The following MAP3K4 variants were observed in gnomAD, a reference collection of about 807,000 sequenced individuals.
MAP3K4 encodes the protein mitogen-activated protein kinase kinase kinase 4, also known as MAP three kinase 1.
In MAP3K4, 67 loss-of-function variants were observed where a neutral mutation model predicts 185.6. That is an observed-to-expected ratio of 0.36 (90% CI 0.30 to 0.44). The LOEUF (loss-of-function observed/expected upper bound fraction) is 0.44, where lower values mean the gene tolerates loss of function less well. Ranked by LOEUF, MAP3K4 falls within the 20% of genes least tolerant of loss-of-function variation. The pLI is 1.00. For synonymous variants in MAP3K4, 702 were observed against 710.4 expected (o/e 0.99, Z 0.19); for missense variants, 1,551 against 1,995.1 (o/e 0.78, Z 4.24).
In MAP3K4 at chr6:161,047,760, G is replaced by C. The variant is rs534535200; in HGVS notation, c.344-856G>C. Among the ~76,000 whole-genome samples, 8 of 152,270 alleles carry C rather than the reference G, an allele frequency of 5.3e-5. No homozygotes were observed. In the South Asian group the frequency reaches 6.2e-4, roughly 12 times the overall value. On this transcript the variant is annotated intron_variant, in intron 2 of 26. Coordinates refer to ENST00000392142, the MANE Select transcript of MAP3K4 (RefSeq NM_005922.4). The stretch of plus-strand genomic sequence containing the variant: ...AGAACCCAGAAGCAACAGAATGAAA[G>C]GATTTCAGTAACGTAGAGCAATTAA...
chr6:161,102,820 A>C (rs766711923), intron 19 of MAP3K4, 41 bp downstream of exon 19: 16 of 1,359,798 alleles, frequency 1.2e-5, no homozygotes, highest in East Asian at 2.4e-5. Flanking sequence ...AAAAAAAAAA[A>C]AAAACACGAT....
rs934078052 is a variant in MAP3K4, at chr6:161,096,357, CAG to C, written c.3428-720_3428-719del. ...AAAAAAATACTAAGGAGGGTTAAAA[CAG>C]AGTGGTAAAAGTGAAGAAGAGAAAA... On this transcript the variant is annotated intron_variant, in intron 15 of 26. Coordinates refer to ENST00000392142, the MANE Select transcript of MAP3K4 (RefSeq NM_005922.4). The surrounding 1 kb of genome is among the most constrained non-coding windows in gnomAD (Gnocchi z 4.9). 8.6e-5 allele frequency among the ~76,000 whole-genome samples: 13 copies of C among 151,676 alleles called. No individual in the cohort carries two copies. Among genetic ancestry groups the C allele is most frequent in the Admixed American group, 3.3e-4 (5 of 15,246 alleles).
chr6:161,109,078 A>T lies in MAP3K4; in HGVS notation c.4236+219A>T, dbSNP rs1445017832. ...ACTGTAGTCATTAACCCGACATCAT[A>T]AAGCACTGAAACCCATCCTGCCATT... On this transcript the variant is annotated intron_variant, in intron 22 of 26. Transcript: ENST00000392142. The surrounding 1 kb of genome is among the most constrained non-coding windows in gnomAD (Gnocchi z 5.7). The T allele has an allele frequency of 1.5e-6, 2 of 1,350,720 alleles. No individual in the cohort carries two copies. Among genetic ancestry groups the T allele is most frequent in the Non-Finnish European group, 2.0e-6 (2 of 982,454 alleles). 83.7% of individuals were successfully genotyped at this position (1,350,720 alleles called of 1,614,324 possible).
intron 2 of MAP3K4, among the ~76,000 whole-genome samples, chr6:161,042,762 G>A (rs1322809513): frequency 6.6e-6 from 1 of 152,082 alleles, no homozygotes; most frequent in South Asian, 2.1e-4. Context: ...AGACACCCAA[G>A]CCAAAACCCT....
intron 1 of MAP3K4, among the ~76,000 whole-genome samples, chr6:161,000,087 C>T (rs984185324): frequency 6.6e-6 from 1 of 152,086 alleles, no homozygotes; most frequent in African/African-American, 2.4e-5. Flanking sequence ...TGGTCGTGAC[C>T]TACAGTAAGA....
intron 1 of MAP3K4, among the ~76,000 whole-genome samples, chr6:161,015,595 C>T (rs1275138605): frequency 6.6e-6 from 1 of 152,128 alleles, no homozygotes; most frequent in Non-Finnish European, 1.5e-5. Context: ...TCAACATCTG[C>T]TTCCGGTGAG....
rs1303751241 is a variant in MAP3K4 at position 161,007,875 on chromosome 6, C to CT, written c.152+15799dup. 2.6e-5 allele frequency among the ~76,000 whole-genome samples: 4 copies of CT among 152,012 alleles called. No homozygotes were observed. The highest frequency in any genetic ancestry group is 1.3e-4 in the Admixed American group (2 of 15,256). The stretch of plus-strand genomic sequence containing the variant: ...ACTGCAATGAAGCAATGACACAGTG[C>CT]TTTTTTTATATCAGTTGTAGGGTAC... On this transcript the variant is annotated intron_variant, in intron 1 of 26. Transcript: ENST00000392142. This position sits in a 1 kb window ranked among gnomAD's most constrained non-coding sequence, Gnocchi z 4.5.
intron 3 of MAP3K4, among the ~76,000 whole-genome samples, chr6:161,066,563 C>T (rs1051269552): frequency 6.6e-6 from 1 of 152,044 alleles, no homozygotes; most frequent in East Asian, 1.9e-4. Flanking sequence ...TTAATGAGAT[C>T]TCGTATTAGA....
chr6:161,025,377 G>T (rs1340673369), intron 1 of MAP3K4, among the ~76,000 whole-genome samples: 3 of 152,184 alleles, frequency 2.0e-5, no homozygotes, highest in Non-Finnish European at 2.9e-5. Flanking sequence ...AGATTTTTGT[G>T]CCCAGGTTGT....
rs1174219477 is a variant in MAP3K4 at position 161,103,947 on chromosome 6, C to T, written c.3856+1168C>T. Among the ~76,000 whole-genome samples, 1 of 152,162 alleles carries T rather than the reference C, an allele frequency of 6.6e-6. No individual in the cohort carries two copies. The highest frequency in any genetic ancestry group is 1.5e-5 in the Non-Finnish European group (1 of 68,022). On this transcript the variant is annotated intron_variant, in intron 19 of 26. Coordinates refer to ENST00000392142, the MANE Select transcript of MAP3K4 (RefSeq NM_005922.4). The surrounding 1 kb of genome is among the most constrained non-coding windows in gnomAD (Gnocchi z 4.6). ...GTTCAAGTGGGGGAGTTTTCCTAGGCTTGAGCCAGGTGACAGGAAGACAGT... is the reference window on the plus strand; with the variant it reads ...GTTCAAGTGGGGGAGTTTTCCTAGGTTTGAGCCAGGTGACAGGAAGACAGT...
chr6:161,069,667 G>A (rs1172364033), intron 3 of MAP3K4, among the ~76,000 whole-genome samples: 1 of 152,136 alleles, frequency 6.6e-6, no homozygotes, highest in Non-Finnish European at 1.5e-5. Flanking sequence ...TGCCAGGCGT[G>A]GGGACGGTCC....
chr6:161,107,284 G>A lies in MAP3K4; in HGVS notation c.4048+579G>A, dbSNP rs916452380. ...TCACACATCTAGGTCTGAAGGGGGCGAACACAGTTGTATGAATAATATGGG... is the reference window on the plus strand; with the variant it reads ...TCACACATCTAGGTCTGAAGGGGGCAAACACAGTTGTATGAATAATATGGG... On this transcript the variant is annotated intron_variant, in intron 20 of 26. Transcript: ENST00000392142. This position sits in a 1 kb window ranked among gnomAD's most constrained non-coding sequence, Gnocchi z 6.2. Among the ~76,000 whole-genome samples, 5 of 152,140 alleles carry A rather than the reference G, an allele frequency of 3.3e-5. No homozygotes were observed. Among genetic ancestry groups the A allele is most frequent in the South Asian group, 2.1e-4 (1 of 4,828 alleles).
rs560899684 is a variant in MAP3K4, at chr6:161,114,331, T to C, written c.4627-792T>C. On this transcript the variant is annotated intron_variant, in intron 25 of 26. Transcript: ENST00000392142. The surrounding 1 kb of genome is among the most constrained non-coding windows in gnomAD (Gnocchi z 4.3). ...AGCTTACCGTACACATACAGTATTA[T>C]AGCAAAAAAGTTAGAAACCTTCATT... Among the ~76,000 whole-genome samples the C allele has an allele frequency of 1.4e-4, 21 of 152,200 alleles. No homozygotes were observed. The highest frequency in any genetic ancestry group is 2.4e-4 in the Non-Finnish European group (16 of 68,036).
intron 23 of MAP3K4, among the ~76,000 whole-genome samples, chr6:161,111,393 T>C (rs1263613921): frequency 2.0e-5 from 3 of 152,170 alleles, no homozygotes; most frequent in Non-Finnish European, 4.4e-5. Flanking sequence ...TCACGTCATA[T>C]AAATGCAAGG....
In MAP3K4 at chr6:161,026,223, T is replaced by C. The variant is rs371781494; in HGVS notation, c.153-8036T>C. Among the ~76,000 whole-genome samples the C allele has an allele frequency of 9.2e-3, 1,393 of 152,014 alleles. 10 individuals carry two copies. Among genetic ancestry groups the C allele is most frequent in the South Asian group, 0.024 (114 of 4,812 alleles). ...TCGGCTCACTGCAAGCTCTGCCTCC[T>C]GGGTTCATGCCATTCTCCTGCCTCA... On this transcript the variant is annotated intron_variant, in intron 1 of 26. Transcript: ENST00000392142.
In MAP3K4 at chr6:161,007,389, AG is replaced by A. The variant is rs1422686569; in HGVS notation, c.152+15309del. ...GGGAATTACTGAGGAAGATAGAGGGAGGGCTAATTTTACAATATGCAAGGAC... is the reference window on the plus strand; with the variant it reads ...GGGAATTACTGAGGAAGATAGAGGGAGGCTAATTTTACAATATGCAAGGAC... On this transcript the variant is annotated intron_variant, in intron 1 of 26. Transcript: ENST00000392142. This position sits in a 1 kb window ranked among gnomAD's most constrained non-coding sequence, Gnocchi z 4.5. Among the ~76,000 whole-genome samples the A allele has an allele frequency of 6.6e-6, 1 of 152,142 alleles. No individual in the cohort carries two copies. Among genetic ancestry groups the A allele is most frequent in the Non-Finnish European group, 1.5e-5 (1 of 68,030 alleles).
At chr6:161,000,206 A>G (rs929838710) in intron 1 of MAP3K4, among the ~76,000 whole-genome samples, 1 of 152,214 alleles carries the variant, frequency 6.6e-6, no homozygotes, top group Non-Finnish European at 1.5e-5. Flanking sequence ...ATTCTGTTCT[A>G]TTAAAAATTG....
At chr6:160,994,082 G>T (rs143639668) in intron 1 of MAP3K4, among the ~76,000 whole-genome samples, 2 of 151,392 alleles carry the variant, frequency 1.3e-5, no homozygotes, top group Non-Finnish European at 2.9e-5. Flanking sequence ...CATTTTAGAG[G>T]AGCTCAGTGT....
rs1217871264 is a variant in MAP3K4 at position 161,101,836 on chromosome 6, C to T, written c.3675-56C>T. 7.6e-6 allele frequency: 11 copies of T among 1,449,014 alleles called. No individual in the cohort carries two copies. Among genetic ancestry groups the T allele is most frequent in the East Asian group, 2.3e-5 (1 of 43,812 alleles). The allele number at this position is 1,449,014 out of a possible 1,614,324, so 89.8% of individuals were successfully genotyped here. On this transcript the variant is annotated intron_variant, in intron 17 of 26. Coordinates refer to ENST00000392142, the MANE Select transcript of MAP3K4 (RefSeq NM_005922.4). This position sits in a 1 kb window ranked among gnomAD's most constrained non-coding sequence, Gnocchi z 5.1. ...ATTGCTCTAGAAAAATCTCGCAGAT[C>T]TTTCATTTTAAGTTCTATTGAATTG... is the stretch of plus-strand genomic sequence containing the variant.
Sources: allele counts gnomAD v4.1 joint callset (sites outside exome capture counted in the v4.1 genomes callset), GRCh38; gene constraint gnomAD v4.1.1; non-coding constraint Gnocchi (gnomAD v3.1); transcripts MANE v1.5; gene names NCBI Gene and HGNC (gene_info 2026-07-23, HGNC 2026-07-21).